Variants in SLCO1C1 observed in about 807,000 individuals in gnomAD.
SLCO1C1 encodes OAT-RP-5.
Under a neutral mutation model 76.4 loss-of-function variants are expected in SLCO1C1, and 70 were observed. The observed-to-expected ratio is 0.92, with a 90% CI of 0.76 to 1.12. The LOEUF (loss-of-function observed/expected upper bound fraction) is 1.12. Among genes scored for constraint, SLCO1C1 ranks in the 50% most tolerant of loss-of-function variants. The pLI is 0.00. For missense variants in SLCO1C1, 912 were observed against 823.8 expected (o/e 1.11, Z -1.31); for synonymous variants, 306 against 286.1 (o/e 1.07, Z -0.70).
intron 2 of SLCO1C1, 143 bp from the exon 3 acceptor site, chr12:20,701,175 T>G: frequency 1.2e-6 from 1 of 805,068 alleles, no homozygotes; most frequent in South Asian, 4.4e-5. Flanking sequence ...CGAACAGTGT[T>G]TGAATTAAAG....
At position 20,743,353 on chromosome 12, in the gene SLCO1C1, A is replaced by G. The variant is rs1948905268; in HGVS notation, c.1782A>G (p.Leu594=). The G allele has an allele frequency of 4.3e-6, 7 of 1,612,816 alleles. No individual in the cohort carries two copies. Among genetic ancestry groups the G allele is most frequent in the Non-Finnish European group, 5.1e-6 (6 of 1,179,258 alleles). The stretch of plus-strand genomic sequence containing the variant: ...CTTTTGCCTTGGGTATCTACACATT[A>G]GCAATAAGAGTTCTTGGTAAGTTTA... The part of the protein sequence containing the change: ...LKSFALGIYT[L]AIRVLAGIPA... Residue 594 remains leucine, a synonymous_variant, in exon 13 of 15, where the codon TTA becomes TTG. Transcript: ENST00000266509.
At chr12:20,718,495 T>G (rs892101347) in intron 7 of SLCO1C1, among the ~76,000 whole-genome samples, 2 of 152,212 alleles carry the variant, frequency 1.3e-5, no homozygotes, top group African/African-American at 4.8e-5. Context: ...TGCTTACACA[T>G]ACAAATCTTG....
chr12:20,717,962 G>A (rs1036635034), intron 7 of SLCO1C1, among the ~76,000 whole-genome samples: 6 of 151,998 alleles, frequency 3.9e-5, no homozygotes, highest in East Asian at 3.9e-4. Context: ...TTTGAAGTCC[G>A]CATGTTAAAA....
rs184526002 is a variant in SLCO1C1, at chr12:20,726,844, A to T, written c.1186+3590A>T. Among the ~76,000 whole-genome samples, 58 of 152,210 alleles carry T rather than the reference A, an allele frequency of 3.8e-4. 1 individual carries two copies. The East Asian group carries it at 6.4e-3, about 17-fold the overall frequency. ...CATAGTACCCAATGGGTAATTTTTC[A>T]GTCTTTCTCTTCTCCTTCCTTTCCC... On this transcript the variant is annotated intron_variant, in intron 9 of 14. Coordinates refer to ENST00000266509, the MANE Select transcript of SLCO1C1 (RefSeq NM_017435.5).
At chr12:20,733,200 C>G (rs1405553460) in intron 10 of SLCO1C1, 96 bp downstream of exon 10, 1 of 1,185,968 alleles carries the variant, frequency 8.4e-7, no homozygotes, top group Non-Finnish European at 1.2e-6. Context: ...TTTTAAACAT[C>G]ATAACTATGG....
chr12:20,711,410 T>C lies in SLCO1C1; in HGVS notation c.429T>C (p.Pro143=). 7.4e-6 allele frequency: 12 copies of C among 1,613,416 alleles called. No individual in the cohort carries two copies. The highest frequency in any genetic ancestry group is 1.0e-5 in the Non-Finnish European group (12 of 1,179,618). Reference sequence around the variant, plus strand: ...GGTACAAATATGAGAGATATTCTCCTTCCTCCAATTCCACTCTCAGCATCT... The same window carrying C: ...GGTACAAATATGAGAGATATTCTCCCTCCTCCAATTCCACTCTCAGCATCT... The part of the protein sequence containing the change: ...MEQYKYERYS[P]SSNSTLSISP... The change falls in exon 5 of 15, where the codon CCT becomes CCC. Residue 143 remains proline (P), a synonymous_variant. Coordinates refer to ENST00000266509, the MANE Select transcript of SLCO1C1 (RefSeq NM_017435.5).
chr12:20,744,990 A>G (rs1565546047), intron 13 of SLCO1C1, among the ~76,000 whole-genome samples: 1 of 152,214 alleles, frequency 6.6e-6, no homozygotes, highest in African/African-American at 2.4e-5. Context: ...GTAAGTAAAA[A>G]GAAGGAAAAT....
At chr12:20,735,480 C>G (rs1309073443) in intron 10 of SLCO1C1, among the ~76,000 whole-genome samples, 1 of 152,162 alleles carries the variant, frequency 6.6e-6, no homozygotes, top group Non-Finnish European at 1.5e-5. Flanking sequence ...CTCAGCCCTA[C>G]AGTTTCCAGA....
At chr12:20,711,114 G>T (rs2120675275) in intron 4 of SLCO1C1, among the ~76,000 whole-genome samples, 1 of 152,290 alleles carries the variant, frequency 6.6e-6, no homozygotes, top group South Asian at 2.1e-4. Flanking sequence ...GAAAGTTTAT[G>T]AATTTGTGTT....
intron 3 of SLCO1C1, among the ~76,000 whole-genome samples, chr12:20,703,555 T>C (rs1946627163): frequency 6.6e-6 from 1 of 151,846 alleles, no homozygotes; most frequent in Non-Finnish European, 1.5e-5. Context: ...CTTTGTGGTT[T>C]TGATAGATAC....
chr12:20,746,449 C>A (rs1463440346), intron 13 of SLCO1C1, among the ~76,000 whole-genome samples: 2 of 151,412 alleles, frequency 1.3e-5, no homozygotes, highest in Middle Eastern at 6.8e-3. Context: ...CGAGAAAAAC[C>A]CAAATACTTT....
At chr12:20,721,709 G>A (rs879578036) in intron 7 of SLCO1C1, 95 bp from the exon 8 acceptor site, 1 of 1,390,486 alleles carries the variant, frequency 7.2e-7, no homozygotes, top group Non-Finnish European at 9.6e-7. Flanking sequence ...ATTTTATGAT[G>A]TTATAGAGTT....
rs1278962430 is a variant in SLCO1C1 at position 20,752,732 on chromosome 12, C to T, written c.*204C>T. On this transcript the variant is annotated 3_prime_UTR_variant, in exon 15 of 15. Transcript: ENST00000266509. ...TGCAGATGATAAAACTAATTTTGAA[C>T]TTTTTAATTTATATAAATTATTTTA... 5.4e-6 allele frequency: 2 copies of T among 367,236 alleles called. No individual in the cohort carries two copies. Among genetic ancestry groups the T allele is most frequent in the Non-Finnish European group, 9.6e-6 (2 of 208,090 alleles). 22.7% of individuals were successfully genotyped at this position (367,236 alleles called of 1,614,324 possible). A position where few individuals can be genotyped will look rare whatever the true frequency, so the allele number is the denominator to read the frequency against.
chr12:20,712,940 T>C (rs1368338905), intron 5 of SLCO1C1, among the ~76,000 whole-genome samples: 1 of 152,104 alleles, frequency 6.6e-6, no homozygotes, highest in Non-Finnish European at 1.5e-5. Context: ...TGCATTCAAA[T>C]CAATGGACAA....
intron 7 of SLCO1C1, among the ~76,000 whole-genome samples, chr12:20,719,327 T>C (rs1047390206): frequency 2.6e-5 from 4 of 152,048 alleles, no homozygotes; most frequent in African/African-American, 9.7e-5. Context: ...CACAATAATA[T>C]TGAAATTAGG....
intron 7 of SLCO1C1, 48 bp downstream of exon 7, chr12:20,717,278 C>A (rs1327864768): frequency 7.0e-7 from 1 of 1,426,022 alleles, no homozygotes; most frequent in African/African-American, 1.5e-5. Flanking sequence ...GTCACTGTAA[C>A]ATTTTTAATG....
intron 13 of SLCO1C1, among the ~76,000 whole-genome samples, chr12:20,745,639 A>G (rs2120912793): frequency 6.6e-6 from 1 of 152,194 alleles, no homozygotes; most frequent in East Asian, 1.9e-4. Context: ...AGCCTGCCCA[A>G]CATGGTGAAA....
chr12:20,698,725 G>A (rs1207426342), intron 1 of SLCO1C1, among the ~76,000 whole-genome samples: 1 of 151,984 alleles, frequency 6.6e-6, no homozygotes, highest in Admixed American at 6.6e-5. Context: ...ATAATATTAG[G>A]GAGATTGAGA....
Position 20,695,678 on chromosome 12 carries a change from C to T in SLCO1C1, c.-155C>T, listed in dbSNP as rs1205003807. On this transcript the variant is annotated 5_prime_UTR_variant, in exon 1 of 15. Transcript: ENST00000266509. The stretch of plus-strand genomic sequence containing the variant: ...TCTGCTTGTGTCCACCCACACTCTC[C>T]CCACCTGGCAAAATTGTTCAAAATT... 3 of 152,078 alleles carry T rather than the reference C, an allele frequency of 2.0e-5. No individual in the cohort carries two copies. Among genetic ancestry groups the T allele is most frequent in the African/African-American group, 7.2e-5 (3 of 41,398 alleles). The allele number at this position is 152,078 out of a possible 1,614,324, so 9.4% of individuals were successfully genotyped here.
Sources: gnomAD v4.1 joint callset for allele counts (sites outside exome capture counted in the v4.1 genomes callset) on GRCh38, gnomAD v4.1.1 for gene constraint, MANE v1.5 for transcripts, NCBI Gene and HGNC (gene_info 2026-07-23, HGNC 2026-07-21) for gene names.